The following STS variants were observed in gnomAD, a reference collection of about 807,000 sequenced individuals.
The protein encoded by STS is steryl-sulfatase.
Under a neutral mutation model 26.8 loss-of-function variants are expected in STS, and 7 were observed. The ratio of observed to expected loss-of-function variants is 0.26; its 90% confidence interval spans 0.15 to 0.49. The LOEUF (loss-of-function observed/expected upper bound fraction) is 0.49, where lower values mean the gene tolerates loss of function less well. Ranked by LOEUF, STS falls within the 20% of genes least tolerant of loss-of-function variation. The pLI is 0.98. For synonymous variants in STS, 199 were observed against 189.4 expected, an observed-to-expected ratio of 1.05 and a Z score of -0.42; for missense variants, 434 against 465.6, an observed-to-expected ratio of 0.93 and a Z score of 0.63.
intron 2 of STS, among the ~76,000 whole-genome samples, chrX:7,223,986 A>G (rs1348864885): frequency 1.8e-5 from 2 of 111,204 alleles, no homozygotes; most frequent in Non-Finnish European, 3.8e-5. Flanking sequence ...GTTAGTTGAA[A>G]GAGAAGGAGA....
intron 8 of STS, among the ~76,000 whole-genome samples, chrX:7,314,033 G>A (rs1386973986): frequency 9.0e-6 from 1 of 111,144 alleles, no homozygotes; most frequent in Non-Finnish European, 1.9e-5. Flanking sequence ...TACTTATGGG[G>A]AGCGAAAAAG....
intron 7 of STS, among the ~76,000 whole-genome samples, chrX:7,280,046 C>A (rs1421094364): frequency 1.8e-5 from 2 of 111,917 alleles, no homozygotes; most frequent in African/African-American, 6.5e-5. Context: ...TGTTTCTTTT[C>A]TTTCCATGTA....
At chrX:7,314,527 A>G (rs1432911567) in intron 8 of STS, among the ~76,000 whole-genome samples, 1 of 112,720 alleles carries the variant, frequency 8.9e-6, no homozygotes, top group Non-Finnish European at 1.9e-5. Context: ...AATGATTGGG[A>G]CTGTCCACTT....
chrX:7,267,039 T>C (rs1164912165), intron 6 of STS, among the ~76,000 whole-genome samples: 2 of 112,157 alleles, frequency 1.8e-5, no homozygotes, highest in East Asian at 5.6e-4. Context: ...GCTCCACAGG[T>C]AATAAAGAGT....
chrX:7,189,341 A>G (rs1933831377), intron 1 of STS, among the ~76,000 whole-genome samples: 1 of 111,854 alleles, frequency 8.9e-6, no homozygotes, highest in South Asian at 3.8e-4. Context: ...TTTTCTATTC[A>G]TTTCTAGGAC....
intron 10 of STS, among the ~76,000 whole-genome samples, chrX:7,343,446 T>A (rs919048516): frequency 8.9e-6 from 1 of 112,434 alleles, no homozygotes; most frequent in African/African-American, 3.2e-5. Context: ...TCATGTATAG[T>A]CTCTACTATA....
chrX:7,201,382 G>T (rs1465703574), intron 2 of STS, among the ~76,000 whole-genome samples: 1 of 111,652 alleles, frequency 9.0e-6, no homozygotes, highest in African/African-American at 3.3e-5. Flanking sequence ...CTTCAAGATT[G>T]CTCTCTCAGC....
chrX:7,166,342 T>C (rs1461466642), intron 1 of STS, among the ~76,000 whole-genome samples: 2 of 111,131 alleles, frequency 1.8e-5, no homozygotes, highest in Non-Finnish European at 3.8e-5. Flanking sequence ...TTAATACTTT[T>C]CTCTTTCAAC....
At chrX:7,247,823 A>G (rs1221924461) in intron 2 of STS, among the ~76,000 whole-genome samples, 1 of 111,946 alleles carries the variant, frequency 8.9e-6, no homozygotes. Context: ...CCCTACACTA[A>G]CAAATCATCC....
chrX:7,156,908 C>T (rs1368795971), intron 1 of STS, among the ~76,000 whole-genome samples: 7 of 111,895 alleles, frequency 6.3e-5, no homozygotes, highest in Admixed American at 1.9e-4. Context: ...GTGCCATACC[C>T]TTTACTTTAA....
chrX:7,309,207 A>G (rs1024050573), intron 8 of STS, among the ~76,000 whole-genome samples: 6 of 111,870 alleles, frequency 5.4e-5, no homozygotes, highest in Non-Finnish European at 3.8e-5. Flanking sequence ...AATACTGTGA[A>G]GCCATAAAAA....
At chrX:7,154,572 G>A (rs1409057959) in intron 1 of STS, among the ~76,000 whole-genome samples, 4 of 112,498 alleles carry the variant, frequency 3.6e-5, no homozygotes, top group Non-Finnish European at 7.5e-5. Context: ...AATGGAGCTT[G>A]AGGAAAGTCA....
chrX:7,229,194 T>C (rs745750685), intron 2 of STS, among the ~76,000 whole-genome samples: 1 of 112,401 alleles, frequency 8.9e-6, no homozygotes, highest in Non-Finnish European at 1.9e-5. Context: ...TCAGTCATAT[T>C]TTCGCCTAGA....
intron 8 of STS, among the ~76,000 whole-genome samples, chrX:7,312,074 T>C (rs1214784843): frequency 1.8e-5 from 2 of 111,764 alleles, no homozygotes; most frequent in Admixed American, 9.4e-5. Flanking sequence ...CAATATCTTC[T>C]CATCCACTGA....
At chrX:7,300,101 A>T (rs1925894501) in intron 7 of STS, among the ~76,000 whole-genome samples, 1 of 111,990 alleles carries the variant, frequency 8.9e-6, no homozygotes, top group Admixed American at 9.5e-5. Context: ...TGACAGAGGA[A>T]GGAGCCAGAT....
chrX:7,288,157 C>CCT (rs1925228652), intron 7 of STS, among the ~76,000 whole-genome samples: 1 of 99,631 alleles, frequency 1.0e-5, no homozygotes, highest in Non-Finnish European at 2.0e-5. Flanking sequence ...TTTTTCCTGC[C>CCT]TTTTTTTTTT....
intron 6 of STS, among the ~76,000 whole-genome samples, chrX:7,265,403 A>G (rs771891056): frequency 4.1e-4 from 46 of 111,723 alleles, no homozygotes; most frequent in Non-Finnish European, 5.3e-4. Flanking sequence ...AAATTATTTA[A>G]TCTATTAGGT....
intron 1 of STS, among the ~76,000 whole-genome samples, chrX:7,162,587 G>A (rs1413262957): frequency 3.0e-4 from 33 of 110,032 alleles, no homozygotes; most frequent in African/African-American, 1.1e-3. Context: ...GATTCCCCAC[G>A]GAGGCACTGT....
intron 10 of STS, among the ~76,000 whole-genome samples, chrX:7,347,171 T>G (rs1304329559): frequency 1.8e-5 from 2 of 111,703 alleles, no homozygotes; most frequent in Admixed American, 1.9e-4. Context: ...ATCTTTGAAA[T>G]GACACCTTTG....
Sources: allele counts gnomAD v4.1 joint callset (sites outside exome capture counted in the v4.1 genomes callset), GRCh38; gene constraint gnomAD v4.1.1; transcripts MANE v1.5; gene names NCBI Gene and HGNC (gene_info 2026-07-23, HGNC 2026-07-21).